Variants in AGAP1 observed in about 807,000 individuals in gnomAD.
The protein encoded by AGAP1 is arf-GAP with GTPase, ANK repeat and PH domain-containing protein 1.
In AGAP1, 29 loss-of-function variants were observed where a neutral mutation model predicts 105.3. The observed-to-expected ratio is 0.28, with a 90% CI of 0.21 to 0.38. The LOEUF (loss-of-function observed/expected upper bound fraction) is 0.38, where lower values mean the gene tolerates loss of function less well. AGAP1 is among the 10% of genes least tolerant of loss of function. AGAP1 has a pLI of 1.00. For synonymous variants in AGAP1, 509 were observed against 485.9 expected, an observed-to-expected ratio of 1.05 and a Z score of -0.63; for missense variants, 998 against 1,165.1, an observed-to-expected ratio of 0.86 and a Z score of 2.09.
intron 6 of AGAP1, among the ~76,000 whole-genome samples, chr2:235,755,492 G>A (rs1331479618): frequency 6.6e-6 from 1 of 152,184 alleles, no homozygotes; most frequent in African/African-American, 2.4e-5. Flanking sequence ...CCAGGTTGGA[G>A]TGCAGTGGCA....
At chr2:235,794,953 T>C (rs1437014268) in intron 6 of AGAP1, among the ~76,000 whole-genome samples, 1 of 152,222 alleles carries the variant, frequency 6.6e-6, no homozygotes, top group Non-Finnish European at 1.5e-5. Context: ...ACTCAATGGT[T>C]ATAAAAAGCT....
In AGAP1 at chr2:236,123,978, G is replaced by A. The variant is rs554545252; in HGVS notation, c.2430G>A (p.Arg810=). The part of the protein sequence containing the change: ...AHGNTALAYA[R]QASSQECIDV... ...GGAACACAGCTCTGGCCTACGCCCG[G>A]CAGGCCTCCAGCCAGGAGTGCATCG... Residue 810 remains arginine (R), a synonymous_variant, in exon 18 of 18, where the codon CGG becomes CGA. Coordinates refer to ENST00000304032, the MANE Select transcript of AGAP1 (RefSeq NM_001037131.3). The surrounding 1 kb of genome is among the most constrained non-coding windows in gnomAD (Gnocchi z 4.6). 6 of 1,613,930 alleles carry A rather than the reference G, an allele frequency of 3.7e-6. No individual in the cohort carries two copies. The South Asian group carries it at 6.6e-5, about 18-fold the overall frequency.
chr2:235,798,030 C>A, intron 7 of AGAP1, 144 bp downstream of exon 7: 1 of 1,064,518 alleles, frequency 9.4e-7, no homozygotes, highest in African/African-American at 1.6e-5. Flanking sequence ...ACATTTTCTT[C>A]AGAAACTGCT....
intron 16 of AGAP1, among the ~76,000 whole-genome samples, chr2:236,091,511 C>T (rs1355526796): frequency 1.3e-5 from 2 of 152,230 alleles, no homozygotes; most frequent in African/African-American, 4.8e-5. Context: ...TGGCTCACTC[C>T]TGTAATCCCA....
At chr2:236,059,063 A>G (rs1257592355) in intron 16 of AGAP1, among the ~76,000 whole-genome samples, 1 of 152,104 alleles carries the variant, frequency 6.6e-6, no homozygotes, top group African/African-American at 2.4e-5. Flanking sequence ...GCAGTGGCTC[A>G]TACCTTAAAT....
chr2:236,127,934 G>C lies in AGAP1; in HGVS notation c.*3812G>C, dbSNP rs909170973. On this transcript the variant is annotated 3_prime_UTR_variant, in exon 18 of 18. Coordinates refer to ENST00000304032, the MANE Select transcript of AGAP1 (RefSeq NM_001037131.3). The surrounding 1 kb of genome is among the most constrained non-coding windows in gnomAD (Gnocchi z 6.6). ...TGTTGGCCTCACACCTGGCCCAGGG[G>C]ATGCTGGGAGAACAGGAGCACTTGT... is the stretch of plus-strand genomic sequence containing the variant. 1.3e-5 allele frequency: 2 copies of C among 152,458 alleles called. No individual in the cohort carries two copies. The highest frequency in any genetic ancestry group is 3.9e-4 in the East Asian group (2 of 5,176). 9.4% of individuals were successfully genotyped at this position (152,458 alleles called of 1,614,324 possible). A position where few individuals can be genotyped will look rare whatever the true frequency, so the allele number is the denominator to read the frequency against.
chr2:235,544,842 G>A (rs1283430389), intron 1 of AGAP1, among the ~76,000 whole-genome samples: 1 of 152,178 alleles, frequency 6.6e-6, no homozygotes, highest in Admixed American at 6.5e-5. Context: ...TTTCAGACTT[G>A]CTTTGTTTCT....
Position 235,556,550 on chromosome 2 carries a change from C to T in AGAP1, c.163+61701C>T, listed in dbSNP as rs1943979840. ...ACCTGTTTTCTGCTCTGACCAGGCA[C>T]CTTGGGGGAGGGAAGGCATCAGGAG... On this transcript the variant is annotated intron_variant, in intron 1 of 17. Transcript: ENST00000304032. The surrounding 1 kb of genome is among the most constrained non-coding windows in gnomAD (Gnocchi z 5.3). Among the ~76,000 whole-genome samples the T allele has an allele frequency of 6.6e-6, 1 of 152,158 alleles. No individual in the cohort carries two copies.
In AGAP1 at chr2:235,549,539, C is replaced by T. The variant is rs183011274; in HGVS notation, c.163+54690C>T. 7.9e-5 allele frequency among the ~76,000 whole-genome samples: 12 copies of T among 152,344 alleles called. No individual in the cohort carries two copies. The highest frequency in any genetic ancestry group is 1.9e-4 in the East Asian group (1 of 5,186). ...TAGATGGTGTTGGCAGCCTTTTTCA[C>T]GTACAGAGTTGCATTGCTCCTCCGT... On this transcript the variant is annotated intron_variant, in intron 1 of 17. Coordinates refer to ENST00000304032, the MANE Select transcript of AGAP1 (RefSeq NM_001037131.3). This position sits in a 1 kb window ranked among gnomAD's most constrained non-coding sequence, Gnocchi z 4.2.
chr2:235,840,416 G>A (rs887845416), intron 9 of AGAP1, among the ~76,000 whole-genome samples: 1 of 152,244 alleles, frequency 6.6e-6, no homozygotes, highest in African/African-American at 2.4e-5. Flanking sequence ...CCTTTGCCCA[G>A]AAAGTGTTAG....
intron 13 of AGAP1, among the ~76,000 whole-genome samples, chr2:235,987,116 T>TTTATTTAC (rs1559727252): frequency 1.3e-5 from 2 of 150,238 alleles, no homozygotes; most frequent in African/African-American, 4.9e-5. Context: ...TTGTTATTTA[T>TTTATTTAC]TTATTTATTT....
At position 235,953,046 on chromosome 2, in the gene AGAP1, C is replaced by T. The variant is rs1259496157; in HGVS notation, c.1484-15416C>T. 2.0e-5 allele frequency among the ~76,000 whole-genome samples: 3 copies of T among 152,160 alleles called. No individual in the cohort carries two copies. The highest frequency in any genetic ancestry group is 4.4e-5 in the Non-Finnish European group (3 of 68,030). ...GCCTTCTGTACGAGGCACCTGACAC[C>T]ACGATGCTATCACCATCCTCGCTGA... On this transcript the variant is annotated intron_variant, in intron 12 of 17. Transcript: ENST00000304032. This position sits in a 1 kb window ranked among gnomAD's most constrained non-coding sequence, Gnocchi z 5.2.
chr2:235,801,648 C>G lies in AGAP1; in HGVS notation c.957+2126C>G, dbSNP rs935724720. ...TGCTAGAACAGGCTGCACAGTGACT[C>G]GGTGGCTTGAGAAACCAATAGCCAA... is the stretch of plus-strand genomic sequence containing the variant. On this transcript the variant is annotated intron_variant, in intron 8 of 17. Transcript: ENST00000304032. This position sits in a 1 kb window ranked among gnomAD's most constrained non-coding sequence, Gnocchi z 6.0. 3.3e-5 allele frequency among the ~76,000 whole-genome samples: 5 copies of G among 152,112 alleles called. No individual in the cohort carries two copies. The highest frequency in any genetic ancestry group is 7.4e-5 in the Non-Finnish European group (5 of 68,026).
At chr2:235,536,141 CTA>C (rs1943208646) in intron 1 of AGAP1, among the ~76,000 whole-genome samples, 2 of 85,182 alleles carry the variant, frequency 2.3e-5, no homozygotes, top group African/African-American at 1.1e-4. Context: ...GTGTGGCATC[CTA>C]CACACACACA....
At chr2:235,519,682 A>G (rs1028869606) in intron 1 of AGAP1, among the ~76,000 whole-genome samples, 1 of 152,210 alleles carries the variant, frequency 6.6e-6, no homozygotes, top group African/African-American at 2.4e-5. Context: ...ACACACATAT[A>G]TGTATGTAGA....
chr2:235,642,126 C>T lies in AGAP1; in HGVS notation c.164-67053C>T, dbSNP rs1282755259. 1.3e-5 allele frequency among the ~76,000 whole-genome samples: 2 copies of T among 152,236 alleles called. No individual in the cohort carries two copies. Among genetic ancestry groups the T allele is most frequent in the Admixed American group, 1.3e-4 (2 of 15,284 alleles). On this transcript the variant is annotated intron_variant, in intron 1 of 17. Transcript: ENST00000304032. The surrounding 1 kb of genome is among the most constrained non-coding windows in gnomAD (Gnocchi z 4.1). ...TTTACCTTACTTCCCCAGGGGCCCT[C>T]CAGAGGGTGCCCATCCACGGAGTGC...
intron 16 of AGAP1, among the ~76,000 whole-genome samples, chr2:236,094,642 C>T (rs981476052): frequency 6.6e-6 from 1 of 152,032 alleles, no homozygotes; most frequent in African/African-American, 2.4e-5. Context: ...ATGAGCACTG[C>T]GCCCAGTGAG....
chr2:235,595,471 G>A (rs1945496035), intron 1 of AGAP1, among the ~76,000 whole-genome samples: 1 of 152,172 alleles, frequency 6.6e-6, no homozygotes, highest in African/African-American at 2.4e-5. Context: ...CTGCTCCTGT[G>A]TTTTTGTTCT....
At chr2:235,546,174 T>C (rs1943615144) in intron 1 of AGAP1, among the ~76,000 whole-genome samples, 1 of 152,218 alleles carries the variant, frequency 6.6e-6, no homozygotes, top group Non-Finnish European at 1.5e-5. Context: ...GCTGTTCTGC[T>C]AGAATTCAGT....
Sources: allele counts gnomAD v4.1 joint callset (sites outside exome capture counted in the v4.1 genomes callset), GRCh38; gene constraint gnomAD v4.1.1; non-coding constraint Gnocchi (gnomAD v3.1); transcripts MANE v1.5; gene names NCBI Gene and HGNC (gene_info 2026-07-23, HGNC 2026-07-21).